The following TCP10L variants were observed in gnomAD, a reference collection of about 807,000 sequenced individuals.
TCP10L encodes t-complex 10 like.
In TCP10L, 11 loss-of-function variants were observed where a neutral mutation model predicts 19.2. That is an observed-to-expected ratio of 0.57 (90% CI 0.36 to 0.95). The LOEUF (loss-of-function observed/expected upper bound fraction) is 0.95. TCP10L is among the 40% of genes least tolerant of loss of function. The pLI is 0.01. For missense variants in TCP10L, 247 were observed against 263.9 expected, an observed-to-expected ratio of 0.94 and a Z score of 0.44; for synonymous variants, 96 against 97.2, an observed-to-expected ratio of 0.99 and a Z score of 0.07.
chr21:32,585,208 C>T (rs1231637170), intron 1 of TCP10L, among the ~76,000 whole-genome samples: 2 of 152,196 alleles, frequency 1.3e-5, no homozygotes, highest in East Asian at 3.8e-4. Flanking sequence ...CAAGACCTAC[C>T]AGTAACCAGA....
At position 32,575,671 on chromosome 21, in the gene TCP10L, G is replaced by A. The variant is rs1010707790; in HGVS notation, c.*1103C>T. 1.3e-5 allele frequency: 2 copies of A among 153,230 alleles called. No individual in the cohort carries two copies. Among genetic ancestry groups the A allele is most frequent in the Non-Finnish European group, 2.9e-5 (2 of 68,442 alleles). 9.5% of individuals were successfully genotyped at this position (153,230 alleles called of 1,614,324 possible). A position where few individuals can be genotyped will look rare whatever the true frequency, so the allele number is the denominator to read the frequency against. ...TTCCTGCAGAGGTCGTGAAGCTGCT[G>A]TGGTCATTTGCTGGCAGCGACGTGA... On this transcript the variant is annotated 3_prime_UTR_variant, in exon 5 of 5. Coordinates refer to ENST00000300258, the MANE Select transcript of TCP10L (RefSeq NM_144659.7).
Position 32,576,874 on chromosome 21 carries a change from TGTG to T in TCP10L, c.545_547del (p.Pro182del). 6.2e-7 allele frequency: 1 copy of T among 1,614,206 alleles called. No individual in the cohort carries two copies. The highest frequency in any genetic ancestry group is 1.1e-5 in the South Asian group (1 of 91,054). On this transcript the variant is annotated inframe_deletion, in exon 5 of 5. Transcript: ENST00000300258. ...GGAAAGATTTTTATCTCTATTTTCC[TGTG>T]GTGGTGTTTTCCACGAGCTAATTCT... is the stretch of plus-strand genomic sequence containing the variant.
intron 3 of TCP10L, among the ~76,000 whole-genome samples, chr21:32,580,430 G>A (rs894457785): frequency 6.6e-6 from 1 of 150,554 alleles, no homozygotes; most frequent in Admixed American, 6.6e-5. Context: ...TGTGCTTGGA[G>A]AACAAACCAC....
chr21:32,582,431 G>A lies in TCP10L; in HGVS notation c.145-16C>T, dbSNP rs1195018602. The stretch of plus-strand genomic sequence containing the variant: ...GCTGTAATGGCTGTTATTGGGAAGA[G>A]AACACCAGAAAAACCTCTCAGATGT... On this transcript the variant is annotated splice_polypyrimidine_tract_variant and intron_variant, in intron 2 of 4. Coordinates refer to ENST00000300258, the MANE Select transcript of TCP10L (RefSeq NM_144659.7). This position sits in a 1 kb window ranked among gnomAD's most constrained non-coding sequence, Gnocchi z 4.2. The A allele has an allele frequency of 2.5e-6, 4 of 1,601,996 alleles. No homozygotes were observed. The highest frequency in any genetic ancestry group is 2.7e-5 in the African/African-American group (2 of 73,990).
rs1414924529 is a variant in TCP10L, at chr21:32,584,222, A to G, written c.83T>C (p.Met28Thr). The change falls in exon 2 of 5, where the codon ATG (methionine) becomes ACG (threonine). Residue 28 changes from methionine (M) to threonine (T), a missense_variant. Met to Thr is a moderately conservative substitution (Grantham distance 81). Transcript: ENST00000300258. ...EDPCPGAGAV[M>T]EKTAVAAEVL... Reference sequence around the variant, plus strand: ...CTCGGCTGCCACAGCTGTCTTCTCCATGACAGCCCCAGCTCCTGGGCACGG... The same window carrying G: ...CTCGGCTGCCACAGCTGTCTTCTCCGTGACAGCCCCAGCTCCTGGGCACGG... The G allele has an allele frequency of 3.7e-6, 6 of 1,613,864 alleles. No homozygotes were observed. Among genetic ancestry groups the G allele is most frequent in the Admixed American group, 3.3e-5 (2 of 59,986 alleles).
Position 32,582,160 on chromosome 21 carries a change from T to A in TCP10L, c.360+40A>T, listed in dbSNP as rs1451060475. 1 of 1,603,260 alleles carries A rather than the reference T, an allele frequency of 6.2e-7. No individual in the cohort carries two copies. Among genetic ancestry groups the A allele is most frequent in the Non-Finnish European group, 8.5e-7 (1 of 1,173,198 alleles). On this transcript the variant is annotated intron_variant, in intron 3 of 4. Transcript: ENST00000300258. This position sits in a 1 kb window ranked among gnomAD's most constrained non-coding sequence, Gnocchi z 4.2. ...TCTTTATGGGGACGCTATTTTTACA[T>A]AACGCAAACGGTACAAAAACATAAA...
chr21:32,574,391 C>T lies in TCP10L; in HGVS notation c.*2383G>A, dbSNP rs1051687940. Among the ~76,000 whole-genome samples, 1 of 152,212 alleles carries T rather than the reference C, an allele frequency of 6.6e-6. No homozygotes were observed. Among genetic ancestry groups the T allele is most frequent in the Non-Finnish European group, 1.5e-5 (1 of 68,038 alleles). On this transcript the variant is annotated 3_prime_UTR_variant, in exon 5 of 5. Coordinates refer to ENST00000300258, the MANE Select transcript of TCP10L (RefSeq NM_144659.7). ...TAAAAGAAAGTCTCTGTTTGAAAGG[C>T]TGAACCTCAGGAAATAAAGAGACAT...
chr21:32,578,513 T>G lies in TCP10L; in HGVS notation c.498+181A>C, dbSNP rs185000126. On this transcript the variant is annotated intron_variant, in intron 4 of 4. Transcript: ENST00000300258. This position sits in a 1 kb window ranked among gnomAD's most constrained non-coding sequence, Gnocchi z 4.2. ...TTGGAATCTGCTCCACAGCAAGAAG[T>G]GCTAAGGGTTAGGATCTTGTTTGAA... 1.8e-3 allele frequency among the ~76,000 whole-genome samples: 270 copies of G among 152,242 alleles called. No homozygotes were observed. Among genetic ancestry groups the G allele is most frequent in the Admixed American group, 3.3e-3 (50 of 15,296 alleles).
intron 3 of TCP10L, among the ~76,000 whole-genome samples, chr21:32,580,913 TACAGGATGGGGGCAGG>T (rs2038487136): frequency 6.6e-6 from 1 of 152,188 alleles, no homozygotes. Context: ...AGGTTAGTGA[TACAGGATGGGGGCAGG>T]AAAGTCCTGG....
rs142055069 is a variant in TCP10L, at chr21:32,582,163, C to T, written c.360+37G>A. 4,064 of 1,606,184 alleles carry T rather than the reference C, an allele frequency of 2.5e-3. 90 individuals carry two copies. In the South Asian group the frequency reaches 0.031, roughly 12 times the overall value. On this transcript the variant is annotated intron_variant, in intron 3 of 4. Transcript: ENST00000300258. The surrounding 1 kb of genome is among the most constrained non-coding windows in gnomAD (Gnocchi z 4.2). Reference sequence around the variant, plus strand: ...TTATGGGGACGCTATTTTTACATAACGCAAACGGTACAAAAACATAAATGC... The same window carrying T: ...TTATGGGGACGCTATTTTTACATAATGCAAACGGTACAAAAACATAAATGC...
rs544050337 is a variant in TCP10L, at chr21:32,583,450, G to T, written c.144+711C>A. Among the ~76,000 whole-genome samples, 1,506 of 150,914 alleles carry T rather than the reference G, an allele frequency of 1.0e-2. 23 individuals carry two copies. The highest frequency in any genetic ancestry group is 0.034 in the African/African-American group (1,409 of 41,324). On this transcript the variant is annotated intron_variant, in intron 2 of 4. Coordinates refer to ENST00000300258, the MANE Select transcript of TCP10L (RefSeq NM_144659.7). Reference sequence around the variant, plus strand: ...TAAAAATACAAAAAATTAGCCGGGCGTAGTGGCGGGCGCCTGTAGTCCCAG... The same window carrying T: ...TAAAAATACAAAAAATTAGCCGGGCTTAGTGGCGGGCGCCTGTAGTCCCAG...
chr21:32,584,826 C>T (rs529912731), intron 1 of TCP10L, among the ~76,000 whole-genome samples: 1 of 152,208 alleles, frequency 6.6e-6, no homozygotes, highest in South Asian at 2.1e-4. Flanking sequence ...CAGGCAGACC[C>T]TCCACCGTGT....
chr21:32,584,452 C>G, intron 1 of TCP10L, 147 bp from the exon 2 acceptor site: 1 of 1,211,666 alleles, frequency 8.3e-7, no homozygotes, highest in Non-Finnish European at 1.1e-6. Context: ...CATTCCCAGG[C>G]CCGAAGCTGA....
intron 2 of TCP10L, 61 bp downstream of exon 2, chr21:32,584,099 AG>A: frequency 6.5e-7 from 1 of 1,545,522 alleles, no homozygotes; most frequent in South Asian, 1.2e-5. Context: ...GACGGGCCTC[AG>A]GGACAGGAAT....
At chr21:32,577,337 C>T (rs187909201) in intron 4 of TCP10L, 68 of 170,012 alleles carry the variant, frequency 4.0e-4, no homozygotes, top group Admixed American at 1.4e-3. Context: ...GAGAGAAGTC[C>T]GCGTCTCACA....
Position 32,576,338 on chromosome 21 carries a change from G to C in TCP10L, c.*436C>G. On this transcript the variant is annotated 3_prime_UTR_variant, in exon 5 of 5. Transcript: ENST00000300258. ...GGATGCATAGCCTGGGGCAATGACA[G>C]TCACAGGCCCGCCTTGTCACAAGGT... 1 of 1,468,910 alleles carries C rather than the reference G, an allele frequency of 6.8e-7. No individual in the cohort carries two copies. 91.0% of individuals were successfully genotyped at this position (1,468,910 alleles called of 1,614,324 possible). A position where few individuals can be genotyped will look rare whatever the true frequency, so the allele number is the denominator to read the frequency against.
rs1043209452 is a variant in TCP10L, at chr21:32,582,164, G to A, written c.360+36C>T. 15 of 1,605,666 alleles carry A rather than the reference G, an allele frequency of 9.3e-6. No individual in the cohort carries two copies. The highest frequency in any genetic ancestry group is 1.7e-5 in the Admixed American group (1 of 59,206). Reference sequence around the variant, plus strand: ...TATGGGGACGCTATTTTTACATAACGCAAACGGTACAAAAACATAAATGCG... The same window carrying A: ...TATGGGGACGCTATTTTTACATAACACAAACGGTACAAAAACATAAATGCG... On this transcript the variant is annotated intron_variant, in intron 3 of 4. Coordinates refer to ENST00000300258, the MANE Select transcript of TCP10L (RefSeq NM_144659.7). The surrounding 1 kb of genome is among the most constrained non-coding windows in gnomAD (Gnocchi z 4.2).
intron 3 of TCP10L, among the ~76,000 whole-genome samples, chr21:32,580,288 A>T (rs2038477829): frequency 6.6e-6 from 1 of 151,770 alleles, no homozygotes; most frequent in African/African-American, 2.4e-5. Context: ...TTGTATTTTT[A>T]GTAGAGACGG....
Position 32,578,605 on chromosome 21 carries a change from G to C in TCP10L, c.498+89C>G. On this transcript the variant is annotated intron_variant, in intron 4 of 4. Coordinates refer to ENST00000300258, the MANE Select transcript of TCP10L (RefSeq NM_144659.7). The surrounding 1 kb of genome is among the most constrained non-coding windows in gnomAD (Gnocchi z 4.2). ...GAGCACCATGCTCACCCAGGGAGGT[G>C]AAATTGTGTGGTGAGGAGCTGATGG... is the stretch of plus-strand genomic sequence containing the variant. The C allele has an allele frequency of 6.5e-7, 1 of 1,536,428 alleles. No individual in the cohort carries two copies. The highest frequency in any genetic ancestry group is 8.8e-7 in the Non-Finnish European group (1 of 1,142,370).
Sources: allele counts gnomAD v4.1 joint callset (sites outside exome capture counted in the v4.1 genomes callset), GRCh38; gene constraint gnomAD v4.1.1; non-coding constraint Gnocchi (gnomAD v3.1); transcripts MANE v1.5; gene names NCBI Gene and HGNC (gene_info 2026-07-23, HGNC 2026-07-21).